The following CADPS variants were observed in gnomAD, a reference collection of about 807,000 sequenced individuals.
The protein encoded by CADPS is calcium-dependent secretion activator 1.
CADPS carries 57 observed loss-of-function variants against 167.3 expected under a neutral mutation model. The observed-to-expected ratio is 0.34, with a 90% CI of 0.28 to 0.42. CADPS has a LOEUF of 0.42. Ranked by LOEUF, CADPS falls within the 20% of genes least tolerant of loss-of-function variation. The pLI is 1.00. For missense variants in CADPS, 1,414 were observed against 1,738.1 expected, an observed-to-expected ratio of 0.81 and a Z score of 3.32; for synonymous variants, 676 against 635.3, an observed-to-expected ratio of 1.06 and a Z score of -0.96.
chr3:62,804,460 C>A (rs1306904038), intron 1 of CADPS, among the ~76,000 whole-genome samples: 1 of 151,954 alleles, frequency 6.6e-6, no homozygotes, highest in Non-Finnish European at 1.5e-5. Context: ...GAAATACATT[C>A]CCATTATGTT....
chr3:62,542,395 C>T (rs1281054164), intron 11 of CADPS, among the ~76,000 whole-genome samples: 1 of 152,062 alleles, frequency 6.6e-6, no homozygotes, highest in African/African-American at 2.4e-5. Context: ...CAATAACGAA[C>T]AATGACAGTA....
chr3:62,555,793 T>A (rs1395160371), intron 10 of CADPS, among the ~76,000 whole-genome samples: 1 of 152,122 alleles, frequency 6.6e-6, no homozygotes, highest in Admixed American at 6.6e-5. Context: ...CAGGATGGAG[T>A]GCAGCAGTGC....
chr3:62,634,697 A>G (rs1309509970), intron 6 of CADPS, among the ~76,000 whole-genome samples: 1 of 152,206 alleles, frequency 6.6e-6, no homozygotes, highest in Non-Finnish European at 1.5e-5. Flanking sequence ...AAGGTATATA[A>G]AATATTTTAA....
intron 1 of CADPS, among the ~76,000 whole-genome samples, chr3:62,868,393 C>A (rs188401619): frequency 6.6e-6 from 1 of 152,160 alleles, no homozygotes; most frequent in Admixed American, 6.5e-5. Context: ...GATTAACATT[C>A]TATTATTTAA....
intron 11 of CADPS, among the ~76,000 whole-genome samples, chr3:62,549,192 T>G (rs982103049): frequency 6.6e-6 from 1 of 152,246 alleles, no homozygotes; most frequent in Admixed American, 6.5e-5. Context: ...TTACTTTATT[T>G]CTCCATTTTC....
Position 62,475,598 on chromosome 3 carries a change from A to AAAC in CADPS, c.3330-1279_3330-1278insGTT, listed in dbSNP as rs1553787291. ...CCAGTTCTTAAGAAAAAAAAAAAAA[A>AAAC]AAAAAAAAAAAAAACACCTAAAAAT... On this transcript the variant is annotated intron_variant, in intron 23 of 29. Transcript: ENST00000383710. Among the ~76,000 whole-genome samples, 878 of 148,850 alleles carry AAAC rather than the reference A, an allele frequency of 5.9e-3. 14 individuals carry two copies. Among genetic ancestry groups the AAAC allele is most frequent in the African/African-American group, 0.021 (840 of 40,020 alleles).
intron 27 of CADPS, among the ~76,000 whole-genome samples, chr3:62,441,503 A>G (rs1030753407): frequency 6.6e-6 from 1 of 152,194 alleles, no homozygotes. Flanking sequence ...ATCTAAAACA[A>G]AGACATATGC....
chr3:62,508,596 T>C (rs1310240808), intron 17 of CADPS, among the ~76,000 whole-genome samples: 2 of 152,178 alleles, frequency 1.3e-5, no homozygotes, highest in African/African-American at 2.4e-5. Flanking sequence ...GGATGCATCT[T>C]ATGTTTGATA....
At chr3:62,685,340 G>C (rs867019988) in intron 3 of CADPS, among the ~76,000 whole-genome samples, 1 of 151,826 alleles carries the variant, frequency 6.6e-6, no homozygotes, top group South Asian at 2.1e-4. Flanking sequence ...TCAAGATTAA[G>C]GAATCTATAA....
chr3:62,423,120 T>C (rs2051821017), intron 28 of CADPS, among the ~76,000 whole-genome samples: 1 of 152,226 alleles, frequency 6.6e-6, no homozygotes, highest in Non-Finnish European at 1.5e-5. Context: ...CAAGATTCCC[T>C]ACTGCGCTGT....
In CADPS at chr3:62,595,679, A is replaced by G. The variant is rs576884720; in HGVS notation, c.1326-2931T>C. On this transcript the variant is annotated intron_variant, in intron 6 of 29. Coordinates refer to ENST00000383710, the MANE Select transcript of CADPS (RefSeq NM_003716.4). ...TAGATGACATGTAATAATTGTACATATTTATAGCTATGATGGTTAATACTG... is the reference window on the plus strand; with the variant it reads ...TAGATGACATGTAATAATTGTACATGTTTATAGCTATGATGGTTAATACTG... Among the ~76,000 whole-genome samples the G allele has an allele frequency of 1.4e-4, 22 of 152,280 alleles. No homozygotes were observed. In the South Asian group the frequency reaches 4.4e-3, roughly 30 times the overall value.
Position 62,444,814 on chromosome 3 carries a change from C to T in CADPS, c.3669+951G>A, listed in dbSNP as rs189705354. Among the ~76,000 whole-genome samples, 586 of 152,188 alleles carry T rather than the reference C, an allele frequency of 3.9e-3. 8 individuals are homozygous for T. The highest frequency in any genetic ancestry group is 0.014 in the African/African-American group (563 of 41,534). ...ATGAATTTAAATGTTAATACAAATCCTTTTAGAAAAAAACAAATTTTAACA... is the reference window on the plus strand; with the variant it reads ...ATGAATTTAAATGTTAATACAAATCTTTTTAGAAAAAAACAAATTTTAACA... On this transcript the variant is annotated intron_variant, in intron 27 of 29. Transcript: ENST00000383710.
At chr3:62,517,165 T>C (rs887493600) in intron 14 of CADPS, among the ~76,000 whole-genome samples, 4 of 152,096 alleles carry the variant, frequency 2.6e-5, no homozygotes, top group African/African-American at 4.8e-5. Context: ...ACATATAGTG[T>C]GTATGATCAA....
intron 3 of CADPS, among the ~76,000 whole-genome samples, chr3:62,680,872 A>T (rs1007786494): frequency 2.6e-5 from 4 of 151,954 alleles, no homozygotes; most frequent in Non-Finnish European, 5.9e-5. Flanking sequence ...TCATTCCTAC[A>T]CTACAGCCCT....
At chr3:62,469,488 C>T (rs1023856979) in intron 24 of CADPS, among the ~76,000 whole-genome samples, 3 of 151,870 alleles carry the variant, frequency 2.0e-5, no homozygotes, top group Non-Finnish European at 4.4e-5. Context: ...GGAGCTTTAC[C>T]ATTTTCCCAT....
intron 26 of CADPS, among the ~76,000 whole-genome samples, chr3:62,462,534 G>C (rs1464112132): frequency 6.6e-6 from 1 of 152,236 alleles, no homozygotes; most frequent in Non-Finnish European, 1.5e-5. Context: ...ATACTCGTCA[G>C]CTTTCTGGGG....
In CADPS at chr3:62,481,786, A is replaced by G; in HGVS notation, c.3110T>C (p.Leu1037Pro). 2 of 1,611,378 alleles carry G rather than the reference A, an allele frequency of 1.2e-6. No individual in the cohort carries two copies. The highest frequency in any genetic ancestry group is 8.5e-7 in the Non-Finnish European group (1 of 1,179,000). The change falls in exon 22 of 30, where the codon CTA becomes CCA. Residue 1037 changes from leucine to proline, a missense_variant. Physicochemically the swap from Leu to Pro is moderately conservative, Grantham distance 98. Coordinates refer to ENST00000383710, the MANE Select transcript of CADPS (RefSeq NM_003716.4). ...AAAAGTAGGCATTTGTGGGATGCCTAGAGGGATGTTAACTGGTAGATTTGG... is the reference window on the plus strand; with the variant it reads ...AAAAGTAGGCATTTGTGGGATGCCTGGAGGGATGTTAACTGGTAGATTTGG... The part of the protein sequence containing the change: ...KVPNLPVNIP[L>P]GIPQMPTFSA...
rs563336487 is a variant in CADPS, at chr3:62,700,095, T to C, written c.889-37701A>G. On this transcript the variant is annotated intron_variant, in intron 3 of 29. Coordinates refer to ENST00000383710, the MANE Select transcript of CADPS (RefSeq NM_003716.4). ...TACCATGCTATGGATCTAAGATTCCTATCTGATAAATTAAATAATATAAAC... is the reference window on the plus strand; with the variant it reads ...TACCATGCTATGGATCTAAGATTCCCATCTGATAAATTAAATAATATAAAC... Among the ~76,000 whole-genome samples, 4 of 152,286 alleles carry C rather than the reference T, an allele frequency of 2.6e-5. No homozygotes were observed. The South Asian group carries it at 8.3e-4, about 32-fold the overall frequency.
At position 62,602,011 on chromosome 3, in the gene CADPS, C is replaced by T. The variant is rs928448686; in HGVS notation, c.1326-9263G>A. ...AGCCTCTTATTTGCGGAAGCCTCCT[C>T]AGACCATATGTTATCAACAAATGTT... On this transcript the variant is annotated intron_variant, in intron 6 of 29. Coordinates refer to ENST00000383710, the MANE Select transcript of CADPS (RefSeq NM_003716.4). This position sits in a 1 kb window ranked among gnomAD's most constrained non-coding sequence, Gnocchi z 4.4. Among the ~76,000 whole-genome samples, 11 of 152,164 alleles carry T rather than the reference C, an allele frequency of 7.2e-5. No individual in the cohort carries two copies. Among genetic ancestry groups the T allele is most frequent in the African/African-American group, 2.4e-4 (10 of 41,426 alleles).
Sources: gnomAD v4.1 joint callset for allele counts (sites outside exome capture counted in the v4.1 genomes callset) on GRCh38, gnomAD v4.1.1 for gene constraint, Gnocchi (gnomAD v3.1) non-coding constraint, MANE v1.5 for transcripts, NCBI Gene and HGNC (gene_info 2026-07-23, HGNC 2026-07-21) for gene names.